Variants in DYRK1A observed in about 807,000 individuals in gnomAD.
DYRK1A encodes dual specificity tyrosine phosphorylation regulated kinase 1A, also known as dual specificity tyrosine-phosphorylation-regulated kinase 1A.
Under a neutral mutation model 79.7 loss-of-function variants are expected in DYRK1A, and 9 were observed. The ratio of observed to expected loss-of-function variants is 0.11; its 90% CI spans 0.07 to 0.20. DYRK1A has a LOEUF of 0.20. DYRK1A is among the 10% of genes least tolerant of loss of function. DYRK1A has a pLI of 1.00. For missense variants in DYRK1A, 622 were observed against 956.0 expected, an observed-to-expected ratio of 0.65 and a Z score of 4.61; for synonymous variants, 349 against 329.7, an observed-to-expected ratio of 1.06 and a Z score of -0.63.
intron 1 of DYRK1A, 98 bp from the exon 2 acceptor site, chr21:37,420,198 ATTC>A (rs1012529321): frequency 1.4e-5 from 6 of 425,900 alleles, no homozygotes; most frequent in African/African-American, 1.2e-4. Context: ...AAGTAATTTT[ATTC>A]TTTATGTTTT....
chr21:37,438,822 A>G (rs1000285041), intron 2 of DYRK1A, among the ~76,000 whole-genome samples: 5 of 152,220 alleles, frequency 3.3e-5, no homozygotes, highest in African/African-American at 9.6e-5. Context: ...GCATTTTCAT[A>G]TGAATTTTCA....
chr21:37,403,634 T>TAAAAA (rs11349987), intron 1 of DYRK1A, among the ~76,000 whole-genome samples: 2 of 119,692 alleles, frequency 1.7e-5, no homozygotes, highest in Non-Finnish European at 1.7e-5. Flanking sequence ...CTCAGCTAAT[T>TAAAAA]AAAAAAAAAA....
chr21:37,474,820 G>A (rs936298090), intron 3 of DYRK1A, among the ~76,000 whole-genome samples: 1 of 152,106 alleles, frequency 6.6e-6, no homozygotes, highest in Non-Finnish European at 1.5e-5. Context: ...CTGGCTCTCT[G>A]GGCTATTCTA....
chr21:37,435,837 T>A (rs1341938325), intron 2 of DYRK1A, among the ~76,000 whole-genome samples: 1 of 152,244 alleles, frequency 6.6e-6, no homozygotes, highest in Non-Finnish European at 1.5e-5. Context: ...TTGAATTCCC[T>A]GTTCTTCTTC....
chr21:37,473,584 A>G (rs2052300666), intron 3 of DYRK1A, among the ~76,000 whole-genome samples: 1 of 152,218 alleles, frequency 6.6e-6, no homozygotes, highest in Non-Finnish European at 1.5e-5. Flanking sequence ...TGTGATGAGC[A>G]CTGAAAATGG....
At chr21:37,509,263 A>AC (rs2053685964) in intron 11 of DYRK1A, among the ~76,000 whole-genome samples, 1 of 152,242 alleles carries the variant, frequency 6.6e-6, no homozygotes, top group East Asian at 1.9e-4. Flanking sequence ...GTACACAAAT[A>AC]GTACCATACC....
At chr21:37,468,809 T>C (rs900071373) in intron 2 of DYRK1A, among the ~76,000 whole-genome samples, 1 of 152,152 alleles carries the variant, frequency 6.6e-6, no homozygotes, top group African/African-American at 2.4e-5. Flanking sequence ...TTTCTTAGAT[T>C]CCAAAAGTAT....
At chr21:37,368,114 G>C (rs2049353059) in intron 1 of DYRK1A, 1 of 153,310 alleles carries the variant, frequency 6.5e-6, no homozygotes, top group Non-Finnish European at 1.5e-5. Flanking sequence ...GGGCCGGGCC[G>C]GGCCGGGCGC....
At chr21:37,436,491 A>T (rs1377857360) in intron 2 of DYRK1A, among the ~76,000 whole-genome samples, 1 of 152,138 alleles carries the variant, frequency 6.6e-6, no homozygotes, top group East Asian at 1.9e-4. Context: ...AGGGCTGTCC[A>T]CTTTTTGTGT....
chr21:37,512,211 C>G lies in DYRK1A; in HGVS notation c.1945C>G (p.Leu649Val). 6.2e-7 allele frequency: 1 copy of G among 1,614,202 alleles called. No individual in the cohort carries two copies. Among genetic ancestry groups the G allele is most frequent in the Non-Finnish European group, 8.5e-7 (1 of 1,180,024 alleles). The change falls in exon 12 of 12, where the codon CTG becomes GTG. Residue 649 changes from leucine (L) to valine (V), a missense_variant. By Grantham distance (32) the Leu-to-Val change is conservative. Transcript: ENST00000647188. The part of the protein sequence containing the change: ...VGHSHHSMTS[L>V]SSSTTSSSTS... ...CCACAGTCACCACTCCATGACATCCCTGTCTTCCTCAACGACTTCTTCCTC... is the reference window on the plus strand; with the variant it reads ...CCACAGTCACCACTCCATGACATCCGTGTCTTCCTCAACGACTTCTTCCTC...
Position 37,512,247 on chromosome 21 carries a change from T to A in DYRK1A, c.1981T>A (p.Ser661Thr). 2 of 1,614,184 alleles carry A rather than the reference T, an allele frequency of 1.2e-6. No homozygotes were observed. The highest frequency in any genetic ancestry group is 8.5e-7 in the Non-Finnish European group (1 of 1,180,024). The change falls in exon 12 of 12, where the codon TCC becomes ACC. Residue 661 changes from serine to threonine, a missense_variant. Physicochemically the swap from Ser to Thr is moderately conservative, Grantham distance 58. Coordinates refer to ENST00000647188, the MANE Select transcript of DYRK1A (RefSeq NM_001347721.2). ...SSTTSSSTSS[S>T]STGNQGNQAY... ...AACGACTTCTTCCTCGACATCTTCC[T>A]CCTCTACTGGTAACCAAGGCAATCA... is the stretch of plus-strand genomic sequence containing the variant.
At chr21:37,445,303 A>G (rs1271393042) in intron 2 of DYRK1A, among the ~76,000 whole-genome samples, 1 of 152,206 alleles carries the variant, frequency 6.6e-6, no homozygotes, top group African/African-American at 2.4e-5. Context: ...AAGTAATGGA[A>G]CTATTTGTGA....
At chr21:37,511,204 A>G (rs1202708973) in intron 11 of DYRK1A, among the ~76,000 whole-genome samples, 1 of 152,204 alleles carries the variant, frequency 6.6e-6, no homozygotes, top group African/African-American at 2.4e-5. Context: ...GGCATTGGCC[A>G]GATGATGCAG....
chr21:37,507,921 T>G (rs2053643925), intron 11 of DYRK1A, among the ~76,000 whole-genome samples: 1 of 152,144 alleles, frequency 6.6e-6, no homozygotes, highest in Non-Finnish European at 1.5e-5. Context: ...ACTATAAATG[T>G]CACCTTGAAA....
chr21:37,482,686 T>A (rs1427697500), intron 5 of DYRK1A, among the ~76,000 whole-genome samples: 1 of 152,182 alleles, frequency 6.6e-6, no homozygotes, highest in Admixed American at 6.5e-5. Flanking sequence ...GGGAATTTCC[T>A]TGTCCTAATA....
At chr21:37,462,560 C>CT (rs1485921625) in intron 2 of DYRK1A, among the ~76,000 whole-genome samples, 3 of 152,206 alleles carry the variant, frequency 2.0e-5, no homozygotes, top group Non-Finnish European at 4.4e-5. Context: ...CTGTGCCTGG[C>CT]TTCATGGTCC....
intron 5 of DYRK1A, among the ~76,000 whole-genome samples, chr21:37,483,585 T>C (rs932013381): frequency 1.3e-5 from 2 of 152,048 alleles, no homozygotes; most frequent in African/African-American, 4.8e-5. Flanking sequence ...TTGTTTTGTT[T>C]TGTTTTGTTT....
At position 37,512,297 on chromosome 21, in the gene DYRK1A, T is replaced by C. The variant is rs1376891560; in HGVS notation, c.2031T>C (p.Ala677=). The part of the protein sequence containing the change: ...GNQAYQNRPV[A]ANTLDFGQNG... ...AGGCCTACCAGAATCGCCCAGTGGC[T>C]GCTAATACCTTGGACTTTGGACAGA... is the stretch of plus-strand genomic sequence containing the variant. Residue 677 remains alanine (A), a synonymous_variant, in exon 12 of 12, where the codon GCT becomes GCC. Transcript: ENST00000647188. 7 of 1,614,124 alleles carry C rather than the reference T, an allele frequency of 4.3e-6. No homozygotes were observed. The highest frequency in any genetic ancestry group is 5.9e-6 in the Non-Finnish European group (7 of 1,180,048).
intron 5 of DYRK1A, among the ~76,000 whole-genome samples, chr21:37,483,246 C>T (rs1324743228): frequency 6.6e-6 from 1 of 152,178 alleles, no homozygotes; most frequent in Non-Finnish European, 1.5e-5. Flanking sequence ...AATAAATGTC[C>T]ATGAAATCTT....
Sources: allele counts gnomAD v4.1 joint callset (sites outside exome capture counted in the v4.1 genomes callset), GRCh38; gene constraint gnomAD v4.1.1; transcripts MANE v1.5; gene names NCBI Gene and HGNC (gene_info 2026-07-23, HGNC 2026-07-21).